AKAP9: variants seen among roughly 807,000 people sequenced by gnomAD.
AKAP9 encodes the protein A-kinase anchoring protein 9, also known as A-kinase anchor protein 9.
In AKAP9, 311 loss-of-function variants were observed where a neutral mutation model predicts 488.5. The ratio of observed to expected loss-of-function variants is 0.64; its 90% CI spans 0.58 to 0.70. The LOEUF is 0.70. Among genes scored for constraint, AKAP9 ranks in the 30% least tolerant of loss-of-function variants. The pLI is 0.00. For synonymous variants in AKAP9, 1,462 were observed against 1,483.5 expected (o/e 0.99, Z 0.33); for missense variants, 4,215 against 4,374.5 (o/e 0.96, Z 1.03).
intron 12 of AKAP9, 139 bp downstream of exon 12, chr7:92,017,241 A>G (rs984855237): frequency 2.9e-6 from 2 of 692,574 alleles, no homozygotes; most frequent in African/African-American, 1.8e-5. Flanking sequence ...ATATATTTGT[A>G]GTAGATAATT....
intron 14 of AKAP9, among the ~76,000 whole-genome samples, chr7:92,023,478 C>T (rs1802621145): frequency 6.6e-6 from 1 of 152,148 alleles, no homozygotes; most frequent in African/African-American, 2.4e-5. Flanking sequence ...CAGCTATATC[C>T]ATCTGTCGTT....
At chr7:92,033,621 A>G (rs1804671213) in intron 16 of AKAP9, among the ~76,000 whole-genome samples, 1 of 151,670 alleles carries the variant, frequency 6.6e-6, no homozygotes, top group African/African-American at 2.4e-5. Context: ...ATTTTTTTGT[A>G]GAGACAGGGT....
At position 92,079,689 on chromosome 7, in the gene AKAP9, A is replaced by G. The variant is rs886062476; in HGVS notation, c.7556A>G (p.Tyr2519Cys). ...AAGGACTTAGAACTTACCCAGTGTT[A>G]TAAACAAATAAAAGACATGCAAGAA... ...SAKDLELTQCYKQIKDMQEQG... is the reference protein window; with the variant it reads ...SAKDLELTQCCKQIKDMQEQG... Residue 2519 changes from tyrosine to cysteine, a missense_variant, in exon 31 of 50, where the codon TAT becomes TGT. Transcript: ENST00000356239. 1 of 1,614,136 alleles carries G rather than the reference A, an allele frequency of 6.2e-7. No individual in the cohort carries two copies. The highest frequency in any genetic ancestry group is 8.5e-7 in the Non-Finnish European group (1 of 1,179,992).
intron 21 of AKAP9, 120 bp from the exon 22 acceptor site, chr7:92,052,606 T>G (rs150136711): frequency 3.4e-5 from 23 of 666,870 alleles, no homozygotes; most frequent in Non-Finnish European, 5.3e-5. Context: ...TTGGTTGCAA[T>G]ATTGTTTTAA....
At chr7:92,022,478 A>C in intron 13 of AKAP9, 126 bp downstream of exon 13, 1 of 700,118 alleles carries the variant, frequency 1.4e-6, no homozygotes. Context: ...CTCTGATCTC[A>C]ATTTTTTCAT....
chr7:92,028,261 C>T (rs1803640606), intron 14 of AKAP9, among the ~76,000 whole-genome samples: 2 of 146,940 alleles, frequency 1.4e-5, no homozygotes, highest in African/African-American at 5.1e-5. Context: ...ACATCCCCCT[C>T]TCTGAGAAAC....
chr7:91,950,078 A>G (rs1317173776), intron 1 of AKAP9, among the ~76,000 whole-genome samples: 2 of 152,126 alleles, frequency 1.3e-5, no homozygotes, highest in East Asian at 3.8e-4. Flanking sequence ...AGGTTCTCTG[A>G]TTTACAGATC....
chr7:92,084,866 G>C lies in AKAP9; in HGVS notation c.8758G>C (p.Gly2920Arg). 1 of 1,613,340 alleles carries C rather than the reference G, an allele frequency of 6.2e-7. No homozygotes were observed. Among genetic ancestry groups the C allele is most frequent in the Non-Finnish European group, 8.5e-7 (1 of 1,179,688 alleles). ...GGGAATTTATCTTACACACAGTCAG[G>C]GATTTGACATAGCATCAGAAGGCCG... is the stretch of plus-strand genomic sequence containing the variant. ...GQGIYLTHSQGFDIASEGRGE... is the reference protein window; with the variant it reads ...GQGIYLTHSQRFDIASEGRGE... The change falls in exon 35 of 50, where the codon GGA (glycine) becomes CGA (arginine). Residue 2920 changes from glycine (G) to arginine (R), a missense_variant. This residue lies in a region of AKAP9 where 1,476 missense variants were observed against 1,477.4 expected (regional missense o/e 1.00). Transcript: ENST00000356239.
Position 92,084,859 on chromosome 7 carries a change from C to T in AKAP9, c.8751C>T (p.His2917=), listed in dbSNP as rs767654936. 1 of 1,613,146 alleles carries T rather than the reference C, an allele frequency of 6.2e-7. No individual in the cohort carries two copies. The highest frequency in any genetic ancestry group is 2.2e-5 in the East Asian group (1 of 44,768). Residue 2917 remains histidine, a synonymous_variant, in exon 35 of 50, where the codon CAC becomes CAT. Transcript: ENST00000356239. Reference sequence around the variant, plus strand: ...GGGGTCAGGGAATTTATCTTACACACAGTCAGGGATTTGACATAGCATCAG... The same window carrying T: ...GGGGTCAGGGAATTTATCTTACACATAGTCAGGGATTTGACATAGCATCAG... The part of the protein sequence containing the change: ...SDWGQGIYLT[H]SQGFDIASEG...
chr7:91,998,339 T>C (rs1211315953), intron 7 of AKAP9, among the ~76,000 whole-genome samples: 1 of 149,308 alleles, frequency 6.7e-6, no homozygotes, highest in East Asian at 2.0e-4. Flanking sequence ...TCCTCCAAAC[T>C]TCCCATTGGT....
chr7:92,104,892 T>C (rs1184261274), intron 46 of AKAP9, among the ~76,000 whole-genome samples: 4 of 152,184 alleles, frequency 2.6e-5, no homozygotes, highest in Non-Finnish European at 4.4e-5. Context: ...AAGACTAATA[T>C]GCACAGAACT....
intron 2 of AKAP9, among the ~76,000 whole-genome samples, chr7:91,979,973 T>G (rs1796182134): frequency 6.6e-6 from 1 of 152,194 alleles, no homozygotes; most frequent in Non-Finnish European, 1.5e-5. Flanking sequence ...GGGGCTACTG[T>G]ATGAGGATTG....
At chr7:92,059,595 G>C (rs1487917688) in intron 22 of AKAP9, among the ~76,000 whole-genome samples, 1 of 151,418 alleles carries the variant, frequency 6.6e-6, no homozygotes, top group Non-Finnish European at 1.5e-5. Flanking sequence ...TTATTTTGTT[G>C]TAAATTCTTT....
At chr7:91,970,509 GTA>G (rs761057871) in intron 1 of AKAP9, 2 of 456,518 alleles carry the variant, frequency 4.4e-6, no homozygotes, top group South Asian at 3.1e-5. Context: ...TGTCAGACAG[GTA>G]TGTGTTAGTG....
At position 91,979,716 on chromosome 7, in the gene AKAP9, C is replaced by T. The variant is rs147143330; in HGVS notation, c.307-573C>T. 4.6e-5 allele frequency among the ~76,000 whole-genome samples: 7 copies of T among 152,240 alleles called. No homozygotes were observed. In the East Asian group the frequency reaches 1.2e-3, roughly 25 times the overall value. On this transcript the variant is annotated intron_variant, in intron 2 of 49. Transcript: ENST00000356239. The stretch of plus-strand genomic sequence containing the variant: ...CATACTGCCATAATGTATGATAGTG[C>T]ATCTGATAATGGAGGTGGCTACCAA...
chr7:92,098,822 G>A (rs1383883827), intron 43 of AKAP9, among the ~76,000 whole-genome samples: 1 of 152,144 alleles, frequency 6.6e-6, no homozygotes, highest in African/African-American at 2.4e-5. Flanking sequence ...CTTATTCTGT[G>A]CCAGATAGGT....
intron 29 of AKAP9, among the ~76,000 whole-genome samples, 200 bp from the exon 30 acceptor site, chr7:92,077,496 A>C (rs573066240): frequency 6.6e-6 from 1 of 152,274 alleles, no homozygotes; most frequent in Non-Finnish European, 1.5e-5. Flanking sequence ...TTTCAGCCCA[A>C]CCTGAACATT....
intron 10 of AKAP9, among the ~76,000 whole-genome samples, chr7:92,015,208 G>A (rs1801339806): frequency 6.6e-6 from 1 of 152,140 alleles, no homozygotes; most frequent in Non-Finnish European, 1.5e-5. Flanking sequence ...AAAGGTAAAA[G>A]TTATTTGAGA....
In AKAP9 at chr7:92,042,730, A is replaced by C; in HGVS notation, c.5121A>C (p.Arg1707Ser). 1 of 1,612,110 alleles carries C rather than the reference A, an allele frequency of 6.2e-7. No individual in the cohort carries two copies. Among genetic ancestry groups the C allele is most frequent in the Non-Finnish European group, 8.5e-7 (1 of 1,178,676 alleles). Residue 1707 changes from arginine to serine, a missense_variant, in exon 20 of 50, where the codon AGA becomes AGC. Arg to Ser is a moderately radical substitution (Grantham distance 110). Around this residue, in one of 5 missense-constraint regions of AKAP9, gnomAD observed 2,361 missense variants for 2,430.0 expected, o/e 0.97. Coordinates refer to ENST00000356239, the MANE Select transcript of AKAP9 (RefSeq NM_005751.5). ...CATTTAAAGAAAAGGAATTAGACAGAAAACCTGAAGATGTGCCTCCTGAGA... is the reference window on the plus strand; with the variant it reads ...CATTTAAAGAAAAGGAATTAGACAGCAAACCTGAAGATGTGCCTCCTGAGA... ...EQTFKEKELD[R>S]KPEDVPPEIL...
Sources: gnomAD v4.1 joint callset for allele counts (sites outside exome capture counted in the v4.1 genomes callset) on GRCh38, gnomAD v4.1.1 for gene constraint, gnomAD v4.1.1 regional missense constraint, MANE v1.5 for transcripts, NCBI Gene and HGNC (gene_info 2026-07-23, HGNC 2026-07-21) for gene names.